Variants in ATP8B1 observed in about 807,000 individuals in gnomAD.
ATP8B1 encodes the protein ATPase phospholipid transporting 8B1.
Under a neutral mutation model 149.9 loss-of-function variants are expected in ATP8B1, and 80 were observed. The ratio of observed to expected loss-of-function variants is 0.53; its 90% CI spans 0.45 to 0.64. The LOEUF is 0.64. ATP8B1 is among the 30% of genes least tolerant of loss of function. The pLI, the probability that ATP8B1 is intolerant of heterozygous loss-of-function variation, is 0.00. For missense variants in ATP8B1, 1,247 were observed against 1,552.6 expected, an observed-to-expected ratio of 0.80 and a Z score of 3.31; for synonymous variants, 536 against 562.8, an observed-to-expected ratio of 0.95 and a Z score of 0.67.
chr18:57,649,059 G>A (rs1357663545), intron 27 of ATP8B1, among the ~76,000 whole-genome samples: 1 of 152,016 alleles, frequency 6.6e-6, no homozygotes, highest in South Asian at 2.1e-4. Flanking sequence ...TGCCACACCC[G>A]TCTAATTTTT....
At chr18:57,704,008 C>T (rs192375648) in intron 4 of ATP8B1, among the ~76,000 whole-genome samples, 1 of 152,070 alleles carries the variant, frequency 6.6e-6, no homozygotes, top group East Asian at 1.9e-4. Flanking sequence ...CTCTTGTTGT[C>T]CAAGCTGGAG....
chr18:57,694,749 GCCAGGCA>G, intron 10 of ATP8B1, 79 bp from the exon 11 acceptor site: 1 of 1,011,466 alleles, frequency 9.9e-7, no homozygotes, highest in Non-Finnish European at 1.5e-6. Context: ...ACTCTTCTTG[GCCAGGCA>G]TGGTGGCTTA....
At chr18:57,765,037 A>C (rs1027276686) in intron 1 of ATP8B1, among the ~76,000 whole-genome samples, 1 of 152,252 alleles carries the variant, frequency 6.6e-6, no homozygotes, top group African/African-American at 2.4e-5. Context: ...AGGTAGAAAC[A>C]ATCCAAATGC....
intron 1 of ATP8B1, among the ~76,000 whole-genome samples, chr18:57,789,178 T>G (rs553158868): frequency 6.6e-6 from 1 of 152,206 alleles, no homozygotes; most frequent in Non-Finnish European, 1.5e-5. Context: ...GACACACTTA[T>G]ACTAAAAAAA....
intron 20 of ATP8B1, among the ~76,000 whole-genome samples, chr18:57,663,881 C>T (rs1910680659): frequency 6.6e-6 from 1 of 151,080 alleles, no homozygotes; most frequent in African/African-American, 2.4e-5. Flanking sequence ...ATTCTTCCAC[C>T]TCAGCCTCCC....
intron 1 of ATP8B1, among the ~76,000 whole-genome samples, chr18:57,783,568 G>T (rs2080377393): frequency 6.6e-6 from 1 of 152,170 alleles, no homozygotes; most frequent in South Asian, 2.1e-4. Context: ...GGGCATAGTG[G>T]CTCATACCTG....
rs1394123851 is a variant in ATP8B1, at chr18:57,753,645, A to T, written c.-25-21813T>A. Among the ~76,000 whole-genome samples the T allele has an allele frequency of 1.3e-5, 2 of 152,176 alleles. 1 individual carries two copies. Among genetic ancestry groups the T allele is most frequent in the Non-Finnish European group, 2.9e-5 (2 of 68,026 alleles). Reference sequence around the variant, plus strand: ...GAGATTATTTTAAAAAATGAAATACAGGCCGGGCACAGTGGCTCACGCCTG... The same window carrying T: ...GAGATTATTTTAAAAAATGAAATACTGGCCGGGCACAGTGGCTCACGCCTG... On this transcript the variant is annotated intron_variant, in intron 1 of 27. Transcript: ENST00000648908.
chr18:57,739,136 C>T (rs991709052), intron 1 of ATP8B1, among the ~76,000 whole-genome samples: 2 of 152,116 alleles, frequency 1.3e-5, no homozygotes, highest in African/African-American at 4.8e-5. Context: ...GCTGGGATTA[C>T]AGGTGCCCGC....
chr18:57,718,103 T>TAAAAAAAAAAAAAAAAAAAAAAAAC (rs59629558), intron 2 of ATP8B1, among the ~76,000 whole-genome samples: 2 of 31,798 alleles, frequency 6.3e-5, no homozygotes, highest in East Asian at 1.0e-3. Context: ...CTGGACTAAC[T>TAAAAAAAAAAAAAAAAAAAAAAAAC]AAAAAAAAAA....
At chr18:57,729,684 G>A (rs2123121671) in intron 2 of ATP8B1, among the ~76,000 whole-genome samples, 1 of 151,266 alleles carries the variant, frequency 6.6e-6, no homozygotes, top group South Asian at 2.1e-4. Context: ...CCAAATAGCT[G>A]GGACTACAGG....
chr18:57,652,994 T>C (rs1466334455), intron 24 of ATP8B1, among the ~76,000 whole-genome samples: 1 of 152,160 alleles, frequency 6.6e-6, no homozygotes, highest in East Asian at 1.9e-4. Flanking sequence ...GAAAACAAAT[T>C]AGTAATGTCC....
intron 2 of ATP8B1, among the ~76,000 whole-genome samples, chr18:57,723,295 G>C (rs1434380050): frequency 1.4e-5 from 2 of 138,854 alleles, no homozygotes; most frequent in Non-Finnish European, 3.1e-5. Context: ...GTTAGGAAAA[G>C]AGGAAGTCAA....
chr18:57,761,471 T>C (rs2080157978), intron 1 of ATP8B1, among the ~76,000 whole-genome samples: 1 of 152,118 alleles, frequency 6.6e-6, no homozygotes, highest in Admixed American at 6.6e-5. Flanking sequence ...GATTCTAAGA[T>C]GTGGCCACAC....
chr18:57,774,019 C>T (rs749054820), intron 1 of ATP8B1, among the ~76,000 whole-genome samples: 3 of 152,192 alleles, frequency 2.0e-5, no homozygotes, highest in Non-Finnish European at 4.4e-5. Flanking sequence ...TGGGTTCTCA[C>T]TTCTCTCAGA....
intron 13 of ATP8B1, among the ~76,000 whole-genome samples, chr18:57,685,803 T>C (rs1204415639): frequency 1.3e-5 from 2 of 151,898 alleles, no homozygotes; most frequent in Non-Finnish European, 2.9e-5. Flanking sequence ...TGGTGGTTCA[T>C]ACCTGTAGTC....
chr18:57,778,188 G>C (rs1435526035), intron 1 of ATP8B1, among the ~76,000 whole-genome samples: 1 of 150,902 alleles, frequency 6.6e-6, no homozygotes. Context: ...TTAGCAGTTT[G>C]AACCACAAGT....
chr18:57,778,401 A>ATT, intron 1 of ATP8B1, among the ~76,000 whole-genome samples: 1 of 143,838 alleles, frequency 7.0e-6, no homozygotes, highest in Admixed American at 6.9e-5. Flanking sequence ...AATTTTTTGT[A>ATT]TTTTTTTTTT....
At chr18:57,756,477 T>A (rs988092019) in intron 1 of ATP8B1, among the ~76,000 whole-genome samples, 11 of 151,572 alleles carry the variant, frequency 7.3e-5, no homozygotes, top group Admixed American at 1.3e-4. Flanking sequence ...ATTTTTATAT[T>A]TTTAGTAGAG....
rs528322343 is a variant in ATP8B1 at position 57,666,988 on chromosome 18, C to T, written c.2285+104G>A. 130 of 1,032,646 alleles carry T rather than the reference C, an allele frequency of 1.3e-4. 3 individuals carry two copies. In the South Asian group the frequency reaches 1.7e-3, roughly 13 times the overall value. The allele number at this position is 1,032,646 out of a possible 1,614,324, so 64.0% of individuals were successfully genotyped here. A position where few individuals can be genotyped will look rare whatever the true frequency, so the allele number is the denominator to read the frequency against. ...AACATGAGGAAACTGCCCCAAGTGA[C>T]ACATCGTAACCCCTATTTCTTCATA... On this transcript the variant is annotated intron_variant, in intron 20 of 27. Coordinates refer to ENST00000648908, the MANE Select transcript of ATP8B1 (RefSeq NM_001374385.1).
Sources: allele counts gnomAD v4.1 joint callset (sites outside exome capture counted in the v4.1 genomes callset), GRCh38; gene constraint gnomAD v4.1.1; transcripts MANE v1.5; gene names NCBI Gene and HGNC (gene_info 2026-07-23, HGNC 2026-07-21).